FRMPD1: variants seen among roughly 807,000 people sequenced by gnomAD.
FRMPD1 encodes the protein FERM and PDZ domain containing 1, also known as FERM and PDZ domain-containing protein 1.
Under a neutral mutation model 117.8 loss-of-function variants are expected in FRMPD1, and 76 were observed. The observed-to-expected ratio is 0.65, with a 90% CI of 0.54 to 0.78. FRMPD1 has a LOEUF of 0.78. Ranked by LOEUF, FRMPD1 falls within the 30% of genes least tolerant of loss-of-function variation. The probability of loss-of-function intolerance (pLI) is 0.00; values close to 1 mark genes in which losing one functional copy is unlikely to be tolerated. For synonymous variants in FRMPD1, 783 were observed against 770.4 expected (o/e 1.02, Z -0.27); for missense variants, 1,786 against 1,964.5 (o/e 0.91, Z 1.72).
intron 1 of FRMPD1, among the ~76,000 whole-genome samples, chr9:37,690,825 G>T (rs1378273717): frequency 6.6e-6 from 1 of 152,152 alleles, no homozygotes; most frequent in Non-Finnish European, 1.5e-5. Flanking sequence ...CTGGTATCTG[G>T]TAAGGGCCTT....
At chr9:37,689,920 C>T (rs1275148986) in intron 1 of FRMPD1, among the ~76,000 whole-genome samples, 7 of 150,044 alleles carry the variant, frequency 4.7e-5, no homozygotes, top group African/African-American at 1.8e-4. Context: ...TTTTTTTCCT[C>T]TCTGGAAGTT....
the FRMPD1 span, among the ~76,000 whole-genome samples, chr9:37,643,783 T>C: frequency 6.6e-6 from 1 of 152,120 alleles, no homozygotes; most frequent in Non-Finnish European, 1.5e-5. Context: ...TCAGCGATCA[T>C]GAAAGGAAAG....
chr9:37,690,476 T>C (rs1030319287), intron 1 of FRMPD1, among the ~76,000 whole-genome samples: 1 of 152,248 alleles, frequency 6.6e-6, no homozygotes, highest in Non-Finnish European at 1.5e-5. Context: ...TTATAATGCA[T>C]GCTTTCCTTA....
chr9:37,737,016 G>T, intron 13 of FRMPD1, 80 bp from the exon 14 acceptor site: 1 of 1,065,336 alleles, frequency 9.4e-7, no homozygotes, highest in Non-Finnish European at 1.4e-6. Flanking sequence ...ATCTCTCGTT[G>T]GTCCCACATG....
At chr9:37,614,522 G>A in the FRMPD1 span, among the ~76,000 whole-genome samples, 4 of 152,214 alleles carry the variant, frequency 2.6e-5, no homozygotes, top group Non-Finnish European at 5.9e-5. Context: ...ATGACTCCAG[G>A]GAAAGGCCAG....
intron 2 of FRMPD1, among the ~76,000 whole-genome samples, chr9:37,696,075 T>TTTA (rs752862883): frequency 0.024 from 2,830 of 120,210 alleles, 46 homozygotes; most frequent in Admixed American, 0.032. Context: ...TTTTTTTTTT[T>TTTA]AATATCTAGA....
At chr9:37,637,035 C>T in the FRMPD1 span, 1 of 1,548,486 alleles carries the variant, frequency 6.5e-7, no homozygotes, top group Non-Finnish European at 8.9e-7. Flanking sequence ...ACGTCATATA[C>T]CACGAGGAAG....
At chr9:37,617,748 C>A in the FRMPD1 span, among the ~76,000 whole-genome samples, 1 of 152,186 alleles carries the variant, frequency 6.6e-6, no homozygotes, top group South Asian at 2.1e-4. Context: ...AATTATCAAA[C>A]CTCATCTGGA....
intron 1 of FRMPD1, among the ~76,000 whole-genome samples, chr9:37,671,937 G>T (rs939592450): frequency 6.6e-6 from 1 of 152,202 alleles, no homozygotes; most frequent in Non-Finnish European, 1.5e-5. Context: ...CTGCACTCCA[G>T]CCTGGGTGAC....
At chr9:37,621,097 G>T in the FRMPD1 span, among the ~76,000 whole-genome samples, 12 of 152,286 alleles carry the variant, frequency 7.9e-5, no homozygotes, top group South Asian at 2.1e-4. Flanking sequence ...AAGAGAGAAG[G>T]AGTGACTGAC....
At chr9:37,708,334 G>A (rs369367973) in intron 3 of FRMPD1, 65 bp from the exon 4 acceptor site, 42 of 950,580 alleles carry the variant, frequency 4.4e-5, no homozygotes, top group African/African-American at 3.5e-4. Flanking sequence ...TAACTGTGCC[G>A]CTATTACACA....
chr9:37,726,839 A>C (rs951622256), intron 7 of FRMPD1, among the ~76,000 whole-genome samples: 3 of 152,198 alleles, frequency 2.0e-5, no homozygotes, highest in African/African-American at 7.2e-5. Context: ...GGTGTGCTTA[A>C]GACCATGAAA....
At position 37,686,316 on chromosome 9, in the gene FRMPD1, C is replaced by T. The variant is rs528949540; in HGVS notation, c.-4-6322C>T. On this transcript the variant is annotated intron_variant, in intron 1 of 15. Transcript: ENST00000377765. ...TGGTGTGGAGGACTCAAGCTGCAGA[C>T]GAGTGGAATTCAGCTTTATGTAAAG... Among the ~76,000 whole-genome samples, 7 of 152,232 alleles carry T rather than the reference C, an allele frequency of 4.6e-5. No individual in the cohort carries two copies. In the East Asian group the frequency reaches 5.8e-4, roughly 13 times the overall value.
chr9:37,741,277 CAAG>C (rs1055375553), intron 15 of FRMPD1, among the ~76,000 whole-genome samples: 3 of 152,028 alleles, frequency 2.0e-5, no homozygotes, highest in African/African-American at 7.2e-5. Context: ...GGCCTTGAAG[CAAG>C]AAGAACCAGA....
intron 3 of FRMPD1, 75 bp downstream of exon 3, chr9:37,707,648 C>G (rs2118150997): frequency 1.6e-6 from 2 of 1,224,768 alleles, no homozygotes; most frequent in East Asian, 2.3e-5. Flanking sequence ...CCCGATCTCT[C>G]TATCCTATAA....
chr9:37,642,366 A>G, the FRMPD1 span, among the ~76,000 whole-genome samples: 1 of 152,088 alleles, frequency 6.6e-6, no homozygotes, highest in Non-Finnish European at 1.5e-5. Flanking sequence ...CTCTGCCTGG[A>G]AGCTCTATCA....
At chr9:37,702,524 T>G (rs551830131) in intron 2 of FRMPD1, among the ~76,000 whole-genome samples, 1 of 152,246 alleles carries the variant, frequency 6.6e-6, no homozygotes, top group Non-Finnish European at 1.5e-5. Flanking sequence ...ACCTTTGAGC[T>G]GGACTTTGAC....
upstream of FRMPD1, among the ~76,000 whole-genome samples, chr9:37,646,849 A>G (rs1399577545): frequency 2.0e-5 from 3 of 152,238 alleles, no homozygotes; most frequent in East Asian, 5.8e-4. Context: ...GTCAGCTCTC[A>G]GAAGTATTTG....
the FRMPD1 span, among the ~76,000 whole-genome samples, chr9:37,610,647 T>C: frequency 6.7e-6 from 1 of 148,912 alleles, no homozygotes; most frequent in East Asian, 2.0e-4. Context: ...CAGGCTGGAG[T>C]GCAATGGCGC....
Sources: allele counts gnomAD v4.1 joint callset (sites outside exome capture counted in the v4.1 genomes callset), GRCh38; gene constraint gnomAD v4.1.1; transcripts MANE v1.5; gene names NCBI Gene and HGNC (gene_info 2026-07-23, HGNC 2026-07-21).